Variants in ENTPD6 observed in about 807,000 individuals in gnomAD.
ENTPD6 encodes ectonucleoside triphosphate diphosphohydrolase 6.
ENTPD6 carries 46 observed loss-of-function variants against 61.5 expected under a neutral mutation model. That is an observed-to-expected ratio of 0.75 (90% CI 0.59 to 0.96). The LOEUF (loss-of-function observed/expected upper bound fraction) is 0.96. Among genes scored for constraint, ENTPD6 ranks in the 40% least tolerant of loss-of-function variants. ENTPD6 has a pLI of 0.00. For synonymous variants in ENTPD6, 252 were observed against 255.5 expected (o/e 0.99, Z 0.13); for missense variants, 612 against 629.0 (o/e 0.97, Z 0.29).
chr20:25,205,934 G>A (rs542305367), intron 1 of ENTPD6, among the ~76,000 whole-genome samples: 3 of 152,348 alleles, frequency 2.0e-5, no homozygotes, highest in East Asian at 1.9e-4. Context: ...AGCGCAGGTC[G>A]CTGCGGGCTT....
chr20:25,201,947 G>T (rs557035793), intron 1 of ENTPD6, among the ~76,000 whole-genome samples: 1 of 152,100 alleles, frequency 6.6e-6, no homozygotes, highest in African/African-American at 2.4e-5. Context: ...CAAACTCCTG[G>T]GCTCAAGATA....
chr20:25,215,600 G>A, intron 6 of ENTPD6, 76 bp from the exon 7 acceptor site: 1 of 1,474,792 alleles, frequency 6.8e-7, no homozygotes, highest in African/African-American at 1.4e-5. Context: ...TCTGCAAATA[G>A]TCATTTAACG....
chr20:25,219,538 A>G lies in ENTPD6; in HGVS notation c.943+924A>G, dbSNP rs948593011. ...CCTTATAATGGGCATCACAGCGGGC[A>G]TGGACTCTTAGGAGATCTCAGGATT... On this transcript the variant is annotated intron_variant, in intron 10 of 14. Transcript: ENST00000376652. 1.1e-4 allele frequency among the ~76,000 whole-genome samples: 16 copies of G among 152,330 alleles called. No homozygotes were observed. The East Asian group carries it at 3.1e-3, about 29-fold the overall frequency.
chr20:25,225,153 C>T (rs752569661), intron 13 of ENTPD6, 52 bp from the exon 14 acceptor site: 10 of 1,569,406 alleles, frequency 6.4e-6, no homozygotes, highest in South Asian at 2.3e-5. Flanking sequence ...CTTGCCCCTC[C>T]GCCCCCAGGT....
At chr20:25,211,429 T>G (rs992368404) in intron 4 of ENTPD6, among the ~76,000 whole-genome samples, 2 of 152,212 alleles carry the variant, frequency 1.3e-5, no homozygotes, top group Non-Finnish European at 2.9e-5. Context: ...CAGATGTCCC[T>G]CCTACTCCAG....
chr20:25,225,453 T>A, intron 14 of ENTPD6, 46 bp from the exon 15 acceptor site: 2 of 1,597,568 alleles, frequency 1.3e-6, no homozygotes, highest in Non-Finnish European at 1.7e-6. Flanking sequence ...TGCACAAGGC[T>A]TTCCTGTCTG....
At chr20:25,222,667 T>G (rs2092677018) in intron 11 of ENTPD6, 171 bp from the exon 12 acceptor site, 1 of 778,486 alleles carries the variant, frequency 1.3e-6, no homozygotes, top group Admixed American at 2.8e-5. Context: ...GGGCTGCTTT[T>G]GACCTGTGCG....
At chr20:25,209,079 G>T (rs182514659) in intron 3 of ENTPD6, among the ~76,000 whole-genome samples, 1 of 146,688 alleles carries the variant, frequency 6.8e-6, no homozygotes, top group African/African-American at 2.5e-5. Flanking sequence ...ACCACACCTG[G>T]CTACTTTTTT....
Position 25,206,552 on chromosome 20 carries a change from C to A in ENTPD6, c.16C>A (p.Arg6Ser). MKKGI[R>S]YETSRKTSYI... ...GGCTATGTGAATGAAAAAAGGTATC[C>A]GTTATGAAACTTCCAGAAAAACGAG... Residue 6 changes from arginine to serine, a missense_variant, in exon 2 of 15, where the codon CGT becomes AGT. Transcript: ENST00000376652. The A allele has an allele frequency of 6.2e-7, 1 of 1,613,690 alleles. No individual in the cohort carries two copies. The highest frequency in any genetic ancestry group is 1.3e-5 in the African/African-American group (1 of 75,012).
intron 4 of ENTPD6, among the ~76,000 whole-genome samples, chr20:25,210,768 C>G (rs2091906996): frequency 6.6e-6 from 1 of 151,804 alleles, no homozygotes; most frequent in Admixed American, 6.6e-5. Context: ...ATGGTGAAAC[C>G]TTGTCTCTAC....
chr20:25,222,771 G>T, intron 11 of ENTPD6, 67 bp from the exon 12 acceptor site: 4 of 1,583,504 alleles, frequency 2.5e-6, no homozygotes, highest in Non-Finnish European at 3.4e-6. Flanking sequence ...CCTGGGAGGG[G>T]CCCCAAGCAG....
intron 1 of ENTPD6, among the ~76,000 whole-genome samples, chr20:25,198,186 T>G (rs2090677883): frequency 6.6e-6 from 1 of 152,126 alleles, no homozygotes; most frequent in Non-Finnish European, 1.5e-5. Flanking sequence ...TGATAAGATT[T>G]GATTATGGGC....
At chr20:25,215,922 G>A (rs2092289394) in intron 7 of ENTPD6, among the ~76,000 whole-genome samples, 1 of 151,656 alleles carries the variant, frequency 6.6e-6, no homozygotes, top group Non-Finnish European at 1.5e-5. Context: ...GTGCTTCTCT[G>A]CAGGTCTGGG....
In ENTPD6 at chr20:25,207,250, G is replaced by A. The variant is rs377433296; in HGVS notation, c.229G>A (p.Ala77Thr). The part of the protein sequence containing the change: ...ATQAFFSITR[A>T]APGARWGQQA... ...CCAGGCCTTCTTCAGCATCACCAGGGCAGCCCCGGGGGCCCGGTGGGGTCA... is the reference window on the plus strand; with the variant it reads ...CCAGGCCTTCTTCAGCATCACCAGGACAGCCCCGGGGGCCCGGTGGGGTCA... Residue 77 changes from alanine (A) to threonine (T), a missense_variant, in exon 3 of 15, where the codon GCA becomes ACA. Ala to Thr is a moderately conservative substitution (Grantham distance 58). Coordinates refer to ENST00000376652, the MANE Select transcript of ENTPD6 (RefSeq NM_001247.5). The A allele has an allele frequency of 6.2e-7, 1 of 1,613,882 alleles. No individual in the cohort carries two copies. Among genetic ancestry groups the A allele is most frequent in the African/African-American group, 1.3e-5 (1 of 74,922 alleles).
chr20:25,224,059 C>T, intron 12 of ENTPD6, 42 bp from the exon 13 acceptor site: 1 of 1,594,848 alleles, frequency 6.3e-7, no homozygotes, highest in Non-Finnish European at 8.6e-7. Context: ...GCATCGCCAA[C>T]CTCACAGTGC....
intron 1 of ENTPD6, among the ~76,000 whole-genome samples, chr20:25,203,437 T>A (rs1358809480): frequency 6.6e-6 from 1 of 152,246 alleles, no homozygotes; most frequent in Non-Finnish European, 1.5e-5. Flanking sequence ...CCTAAGTCCC[T>A]GAGGCTCTGC....
rs1187207852 is a variant in ENTPD6 at position 25,213,111 on chromosome 20, A to T, written c.454-152A>T. The T allele has an allele frequency of 2.0e-5, 16 of 789,816 alleles. No individual in the cohort carries two copies. The Admixed American group carries it at 2.4e-4, about 12-fold the overall frequency. 48.9% of individuals were successfully genotyped at this position (789,816 alleles called of 1,614,324 possible). ...TGAGCCCAGGAATTCAAGGCTGCAA[A>T]TGAGCTGTGATCAAGCCACTTCACT... On this transcript the variant is annotated intron_variant, in intron 4 of 14. Coordinates refer to ENST00000376652, the MANE Select transcript of ENTPD6 (RefSeq NM_001247.5).
At position 25,227,574 on chromosome 20, in the gene ENTPD6, G is replaced by A. The variant is rs903484978; in HGVS notation, c.*1977G>A. Among the ~76,000 whole-genome samples the A allele has an allele frequency of 2.0e-4, 30 of 152,222 alleles. No individual in the cohort carries two copies. Among genetic ancestry groups the A allele is most frequent in the African/African-American group, 6.8e-4 (28 of 41,466 alleles). ...TCTCATTTGTCAAAAATAGCTACAC[G>A]TGCACATCGTAAAAGAAGCAAACTA... is the stretch of plus-strand genomic sequence containing the variant. On this transcript the variant is annotated 3_prime_UTR_variant, in exon 15 of 15. Coordinates refer to ENST00000376652, the MANE Select transcript of ENTPD6 (RefSeq NM_001247.5).
intron 1 of ENTPD6, among the ~76,000 whole-genome samples, chr20:25,204,463 C>T (rs952850278): frequency 4.1e-5 from 5 of 121,706 alleles, no homozygotes; most frequent in Non-Finnish European, 6.8e-5. Flanking sequence ...TAAACTTTTA[C>T]AAAGCTTTAT....
Sources: allele counts gnomAD v4.1 joint callset (sites outside exome capture counted in the v4.1 genomes callset), GRCh38; gene constraint gnomAD v4.1.1; transcripts MANE v1.5; gene names NCBI Gene and HGNC (gene_info 2026-07-23, HGNC 2026-07-21).